VMP1: variants seen among roughly 807,000 people sequenced by gnomAD.
VMP1 encodes the protein vacuole membrane protein 1.
In VMP1, 11 loss-of-function variants were observed where a neutral mutation model predicts 56.0. That is an observed-to-expected ratio of 0.20 (90% CI 0.12 to 0.32). The LOEUF (loss-of-function observed/expected upper bound fraction) is 0.32. Ranked by LOEUF, VMP1 falls within the 10% of genes least tolerant of loss-of-function variation. The probability of loss-of-function intolerance (pLI) is 1.00; values close to 1 mark genes in which losing one functional copy is unlikely to be tolerated. For synonymous variants in VMP1, 149 were observed against 165.0 expected, an observed-to-expected ratio of 0.90 and a Z score of 0.74; for missense variants, 296 against 490.3, an observed-to-expected ratio of 0.60 and a Z score of 3.74.
intron 4 of VMP1, 78 bp downstream of exon 4, chr17:59,737,621 T>G: frequency 1.5e-6 from 2 of 1,310,360 alleles, no homozygotes; most frequent in Non-Finnish European, 2.1e-6. Context: ...GGGATGAATG[T>G]GGGTTTTATA....
chr17:59,801,112 ATGTGTGTGTGTGTG>A (rs71145573), intron 7 of VMP1, among the ~76,000 whole-genome samples: 49 of 110,318 alleles, frequency 4.4e-4, no homozygotes, highest in African/African-American at 1.6e-3. Context: ...ATATATATAT[ATGTGTGTGTGTGTG>A]TGTGTGTGTG....
intron 6 of VMP1, among the ~76,000 whole-genome samples, chr17:59,772,947 A>ATTTTTTTTTTTTTTT (rs1488990377): frequency 2.3e-4 from 16 of 70,570 alleles, no homozygotes; most frequent in Admixed American, 3.5e-4. Flanking sequence ...ATACTGGTGA[A>ATTTTTTTTTTTTTTT]TTCTTTTTTT....
At chr17:59,725,625 G>T (rs1317641913) in intron 1 of VMP1, among the ~76,000 whole-genome samples, 1 of 151,330 alleles carries the variant, frequency 6.6e-6, no homozygotes, top group East Asian at 1.9e-4. Context: ...CTCTTGTTTG[G>T]CCTTATGCTA....
intron 5 of VMP1, among the ~76,000 whole-genome samples, chr17:59,746,912 G>C (rs1031615965): frequency 6.6e-6 from 1 of 152,126 alleles, no homozygotes; most frequent in Non-Finnish European, 1.5e-5. Flanking sequence ...TTGCAAATAA[G>C]CTTTTTTTCT....
chr17:59,726,475 G>A (rs971189862), intron 1 of VMP1, among the ~76,000 whole-genome samples: 4 of 151,896 alleles, frequency 2.6e-5, no homozygotes, highest in African/African-American at 9.7e-5. Context: ...TGTATTTTTA[G>A]TAGAGACGGG....
intron 7 of VMP1, among the ~76,000 whole-genome samples, chr17:59,778,290 C>T (rs914272617): frequency 3.9e-5 from 6 of 151,998 alleles, no homozygotes; most frequent in Non-Finnish European, 8.8e-5. Context: ...CCTGTAATCC[C>T]AGCACTTTGG....
intron 7 of VMP1, among the ~76,000 whole-genome samples, chr17:59,797,429 A>G (rs2144152566): frequency 6.6e-6 from 1 of 152,320 alleles, no homozygotes; most frequent in African/African-American, 2.4e-5. Flanking sequence ...CAATAGAATA[A>G]ATTGTGATAT....
chr17:59,766,909 A>C (rs1283435444), intron 6 of VMP1, among the ~76,000 whole-genome samples: 2 of 151,832 alleles, frequency 1.3e-5, no homozygotes, highest in Admixed American at 1.3e-4. Flanking sequence ...CCTCCCCAGT[A>C]GCTGGGATTA....
chr17:59,836,136 A>G (rs946978323), intron 10 of VMP1, among the ~76,000 whole-genome samples: 2 of 151,310 alleles, frequency 1.3e-5, no homozygotes, highest in Admixed American at 1.3e-4. Flanking sequence ...TCAGTGCAGT[A>G]TTCACATTTA....
chr17:59,761,364 G>A (rs1388629357), intron 5 of VMP1, among the ~76,000 whole-genome samples: 1 of 152,162 alleles, frequency 6.6e-6, no homozygotes, highest in Non-Finnish European at 1.5e-5. Flanking sequence ...ATATTATATT[G>A]AGTGCTAGTA....
At chr17:59,722,502 G>A (rs1322495384) in intron 1 of VMP1, among the ~76,000 whole-genome samples, 1 of 152,036 alleles carries the variant, frequency 6.6e-6, no homozygotes, top group Non-Finnish European at 1.5e-5. Context: ...GCCCCCCAGT[G>A]TAACATAAAA....
intron 7 of VMP1, among the ~76,000 whole-genome samples, chr17:59,779,560 C>T (rs922703073): frequency 1.3e-5 from 2 of 152,208 alleles, no homozygotes; most frequent in East Asian, 3.8e-4. Flanking sequence ...GTCCTGTCCT[C>T]ATTTATTAAT....
intron 1 of VMP1, among the ~76,000 whole-genome samples, chr17:59,723,110 A>T (rs1379011182): frequency 1.3e-5 from 2 of 152,210 alleles, no homozygotes; most frequent in Non-Finnish European, 2.9e-5. Flanking sequence ...GACATTATAC[A>T]AGTCCCTTAC....
intron 1 of VMP1, 110 bp from the exon 2 acceptor site, chr17:59,731,311 A>G (rs1598304211): frequency 1.7e-6 from 1 of 600,122 alleles, no homozygotes; most frequent in Non-Finnish European, 2.8e-6. Context: ...CACATCATAC[A>G]TATCATGTGG....
At chr17:59,730,979 G>T (rs189446594) in intron 1 of VMP1, among the ~76,000 whole-genome samples, 20 of 151,638 alleles carry the variant, frequency 1.3e-4, no homozygotes, top group African/African-American at 4.8e-4. Context: ...AATGTTAAAG[G>T]GAATATGAAA....
chr17:59,807,286 C>T (rs1433818859), intron 7 of VMP1, among the ~76,000 whole-genome samples: 4 of 151,542 alleles, frequency 2.6e-5, no homozygotes, highest in Non-Finnish European at 5.9e-5. Context: ...CAAACTCTGC[C>T]TCCCGGGTTT....
intron 7 of VMP1, among the ~76,000 whole-genome samples, chr17:59,787,690 C>T (rs2037052844): frequency 1.3e-5 from 2 of 151,956 alleles, no homozygotes; most frequent in Admixed American, 1.3e-4. Context: ...GGCATGGTGG[C>T]AGGTGCCTGT....
At chr17:59,787,360 C>A (rs1406581196) in intron 7 of VMP1, among the ~76,000 whole-genome samples, 2 of 152,142 alleles carry the variant, frequency 1.3e-5, no homozygotes, top group African/African-American at 4.8e-5. Flanking sequence ...TTCTTTAACT[C>A]ATTCCCATAT....
chr17:59,838,268 C>A (rs189965314), intron 10 of VMP1, 27 bp from the exon 11 acceptor site: 2 of 1,589,922 alleles, frequency 1.3e-6, no homozygotes, highest in Admixed American at 3.5e-5. Context: ...GTGTCTTTTT[C>A]TTTGGGCTAC....
Sources: allele counts gnomAD v4.1 joint callset (sites outside exome capture counted in the v4.1 genomes callset), GRCh38; gene constraint gnomAD v4.1.1; transcripts MANE v1.5; gene names NCBI Gene and HGNC (gene_info 2026-07-23, HGNC 2026-07-21).